ZNF131: variants seen among roughly 807,000 people sequenced by gnomAD.
ZNF131 encodes zinc finger and BTB domain containing 35.
Under a neutral mutation model 60.0 loss-of-function variants are expected in ZNF131, and 7 were observed. The observed-to-expected ratio is 0.12, with a 90% CI of 0.07 to 0.22. ZNF131 has a LOEUF of 0.22. Ranked by LOEUF, ZNF131 falls within the 10% of genes least tolerant of loss-of-function variation. The pLI is 1.00. For missense variants in ZNF131, 493 were observed against 740.9 expected, an observed-to-expected ratio of 0.67 and a Z score of 3.88; for synonymous variants, 257 against 253.2, an observed-to-expected ratio of 1.01 and a Z score of -0.14.
At position 43,142,942 on chromosome 5, in the gene ZNF131, C is replaced by A. The variant is rs112669258; in HGVS notation, c.371+3633C>A. Among the ~76,000 whole-genome samples, 1,190 of 152,104 alleles carry A rather than the reference C, an allele frequency of 7.8e-3. 18 individuals are homozygous for A. The highest frequency in any genetic ancestry group is 0.027 in the African/African-American group (1,139 of 41,492). ...AACTCCTGGGCTCAAGAGACGTGGC[C>A]ACCTCAGCCTCTCAAAGTGCCGGGA... On this transcript the variant is annotated intron_variant, in intron 4 of 6. Coordinates refer to ENST00000682664, the MANE Select transcript of ZNF131 (RefSeq NM_001330707.2).
chr5:43,143,431 T>C (rs986261476), intron 4 of ZNF131: 3 of 1,431,886 alleles, frequency 2.1e-6, no homozygotes, highest in African/African-American at 1.5e-5. Flanking sequence ...GCTTCTCCAC[T>C]GTTGCAAGTT....
chr5:43,128,956 G>C (rs1185608219), intron 3 of ZNF131, among the ~76,000 whole-genome samples: 4 of 152,148 alleles, frequency 2.6e-5, no homozygotes, highest in Admixed American at 1.3e-4. Context: ...TTTTGAGACG[G>C]AGTCTCACTC....
chr5:43,146,607 A>G (rs1747610652), intron 4 of ZNF131, among the ~76,000 whole-genome samples: 1 of 150,858 alleles, frequency 6.6e-6, no homozygotes, highest in Admixed American at 6.6e-5. Context: ...CAACAATAAC[A>G]ACAAAAAACT....
chr5:43,133,564 G>A (rs1343800937), intron 3 of ZNF131, among the ~76,000 whole-genome samples: 1 of 152,206 alleles, frequency 6.6e-6, no homozygotes, highest in Non-Finnish European at 1.5e-5. Flanking sequence ...TGTGATATGA[G>A]TGTACAGATC....
At chr5:43,152,005 A>G (rs1366613383) in intron 4 of ZNF131, among the ~76,000 whole-genome samples, 2 of 149,084 alleles carry the variant, frequency 1.3e-5, no homozygotes, top group African/African-American at 5.1e-5. Context: ...TTTCCTATTT[A>G]TTTATTTATT....
At chr5:43,129,994 G>A (rs1019063220) in intron 3 of ZNF131, among the ~76,000 whole-genome samples, 33 of 151,338 alleles carry the variant, frequency 2.2e-4, no homozygotes, top group Non-Finnish European at 4.3e-4. Flanking sequence ...GGCCAGGCGC[G>A]GTGGCTCATG....
chr5:43,144,474 C>G (rs1052171092), intron 4 of ZNF131, among the ~76,000 whole-genome samples: 1 of 152,038 alleles, frequency 6.6e-6, no homozygotes, highest in African/African-American at 2.4e-5. Flanking sequence ...AGGTGATCCA[C>G]CTGCCTTGAC....
intron 4 of ZNF131, among the ~76,000 whole-genome samples, chr5:43,155,798 C>CT (rs1748891369): frequency 6.6e-6 from 1 of 152,156 alleles, no homozygotes; most frequent in Admixed American, 6.5e-5. Flanking sequence ...TGTTGTGAAT[C>CT]TATCTTTATA....
At chr5:43,134,183 AAGTG>A (rs1745722257) in intron 3 of ZNF131, among the ~76,000 whole-genome samples, 1 of 152,222 alleles carries the variant, frequency 6.6e-6, no homozygotes. Flanking sequence ...TTCCATGACT[AAGTG>A]AGATTTACCC....
At chr5:43,134,693 CTTTTTT>C (rs149464238) in intron 3 of ZNF131, among the ~76,000 whole-genome samples, 60 of 88,416 alleles carry the variant, frequency 6.8e-4, no homozygotes, top group Admixed American at 3.9e-3. Context: ...TTCTTTTTTT[CTTTTTT>C]TTTTTTTTTT....
intron 5 of ZNF131, among the ~76,000 whole-genome samples, chr5:43,170,742 C>G (rs71627585): frequency 0.089 from 13,412 of 150,660 alleles, 797 homozygotes; most frequent in East Asian, 0.19. Flanking sequence ...AAGTGATTCT[C>G]CTGCCTCAGC....
intron 5 of ZNF131, among the ~76,000 whole-genome samples, chr5:43,164,879 ATTGTTT>A (rs1750157112): frequency 6.6e-6 from 1 of 152,198 alleles, no homozygotes; most frequent in Admixed American, 6.5e-5. Context: ...CCCCCACTTC[ATTGTTT>A]TTTAACTTCA....
At chr5:43,139,032 G>T (rs1746480191) in intron 3 of ZNF131, 133 bp from the exon 4 acceptor site, 4 of 747,702 alleles carry the variant, frequency 5.3e-6, no homozygotes, top group Non-Finnish European at 5.8e-6. Context: ...TTGCTAATGA[G>T]AATTTTTCCA....
rs760685480 is a variant in ZNF131, at chr5:43,161,412, G to T, written c.535G>T (p.Val179Leu). The change falls in exon 5 of 7, where the codon GTG becomes TTG. Residue 179 changes from valine (V) to leucine (L), a missense_variant. Transcript: ENST00000682664. ...AGAGATTGCCGAAGGCACCATTGAAGTGGAAGATGAAGGCATCGAAACATT... is the reference window on the plus strand; with the variant it reads ...AGAGATTGCCGAAGGCACCATTGAATTGGAAGATGAAGGCATCGAAACATT... Reference protein sequence around the residue: ...EVEIAEGTIEVEDEGIETLEE... With the variant: ...EVEIAEGTIELEDEGIETLEE... The T allele has an allele frequency of 6.2e-7, 1 of 1,614,250 alleles. No individual in the cohort carries two copies. Among genetic ancestry groups the T allele is most frequent in the South Asian group, 1.1e-5 (1 of 91,088 alleles).
chr5:43,171,766 C>T (rs866824427), intron 5 of ZNF131, among the ~76,000 whole-genome samples: 2 of 152,100 alleles, frequency 1.3e-5, no homozygotes, highest in African/African-American at 2.4e-5. Context: ...ACTACAGGCT[C>T]GTGCCAGCAT....
At chr5:43,157,908 A>G (rs1749155817) in intron 4 of ZNF131, among the ~76,000 whole-genome samples, 1 of 152,200 alleles carries the variant, frequency 6.6e-6, no homozygotes, top group Non-Finnish European at 1.5e-5. Flanking sequence ...TCCTGTGTCC[A>G]GGTTTCTTCT....
intron 3 of ZNF131, among the ~76,000 whole-genome samples, chr5:43,131,808 C>CAA (rs36085217): frequency 0.095 from 12,465 of 131,274 alleles, 578 homozygotes; most frequent in East Asian, 0.18. Context: ...TGCGTATGTA[C>CAA]AAAAAAAAAA....
intron 3 of ZNF131, among the ~76,000 whole-genome samples, chr5:43,133,985 C>T (rs1357110679): frequency 6.6e-6 from 1 of 152,084 alleles, no homozygotes; most frequent in Non-Finnish European, 1.5e-5. Flanking sequence ...CTTCTCATAG[C>T]CTTCCAAAAA....
At chr5:43,149,287 G>A (rs1748008691) in intron 4 of ZNF131, among the ~76,000 whole-genome samples, 1 of 152,070 alleles carries the variant, frequency 6.6e-6, no homozygotes, top group Non-Finnish European at 1.5e-5. Flanking sequence ...GGGCACGGTG[G>A]CTCACGCCTA....
Sources: allele counts gnomAD v4.1 joint callset (sites outside exome capture counted in the v4.1 genomes callset), GRCh38; gene constraint gnomAD v4.1.1; transcripts MANE v1.5; gene names NCBI Gene and HGNC (gene_info 2026-07-23, HGNC 2026-07-21).